Variants in TANC2 observed in about 807,000 individuals in gnomAD.
TANC2 encodes tetratricopeptide repeat, ankyrin repeat and coiled-coil containing 2, also known as protein TANC2.
Under a neutral mutation model 210.5 loss-of-function variants are expected in TANC2, and 26 were observed. The observed-to-expected ratio is 0.12, with a 90% confidence interval of 0.09 to 0.17. TANC2 has a LOEUF of 0.17. TANC2 is among the 10% of genes least tolerant of loss of function. The pLI is 1.00. For synonymous variants in TANC2, 931 were observed against 967.1 expected, an observed-to-expected ratio of 0.96 and a Z score of 0.69; for missense variants, 2,129 against 2,608.9, an observed-to-expected ratio of 0.82 and a Z score of 4.01.
At chr17:63,285,002 C>T (rs2044177898) in intron 9 of TANC2, among the ~76,000 whole-genome samples, 1 of 151,924 alleles carries the variant, frequency 6.6e-6, no homozygotes, top group Non-Finnish European at 1.5e-5. Flanking sequence ...CTTGATGATA[C>T]TCTTTGCTCT....
intron 17 of TANC2, chr17:63,390,805 G>C (rs965272470): frequency 6.6e-6 from 1 of 152,098 alleles, no homozygotes; most frequent in African/African-American, 2.4e-5. Flanking sequence ...GATCTTAGCT[G>C]GGTCTTTCCT....
At chr17:63,219,601 G>A (rs2042114605) in intron 7 of TANC2, among the ~76,000 whole-genome samples, 1 of 151,998 alleles carries the variant, frequency 6.6e-6, no homozygotes, top group Non-Finnish European at 1.5e-5. Context: ...TAGTAGAGAC[G>A]GGGTTTCCCC....
intron 4 of TANC2, among the ~76,000 whole-genome samples, chr17:63,126,489 A>G (rs565411548): frequency 2.0e-5 from 3 of 151,856 alleles, no homozygotes; most frequent in South Asian, 2.1e-4. Flanking sequence ...CTCACTTGCA[A>G]CCTCCACCTC....
chr17:63,121,086 T>TA (rs2038457771), intron 4 of TANC2, among the ~76,000 whole-genome samples: 1 of 152,142 alleles, frequency 6.6e-6, no homozygotes, highest in Non-Finnish European at 1.5e-5. Flanking sequence ...TCATTTCTGT[T>TA]AGAGTCTACA....
intron 3 of TANC2, among the ~76,000 whole-genome samples, chr17:63,083,826 T>C (rs1192563066): frequency 6.6e-6 from 1 of 152,234 alleles, no homozygotes; most frequent in Non-Finnish European, 1.5e-5. Context: ...TAGTCTGGCA[T>C]ACCTGGTATA....
At chr17:63,002,929 A>G (rs2033453241) in intron 1 of TANC2, among the ~76,000 whole-genome samples, 1 of 152,168 alleles carries the variant, frequency 6.6e-6, no homozygotes, top group Non-Finnish European at 1.5e-5. Context: ...CTGTTATGAA[A>G]ATTGTTGTAC....
intron 2 of TANC2, among the ~76,000 whole-genome samples, chr17:63,027,526 A>G (rs1030494130): frequency 3.3e-5 from 5 of 151,978 alleles, no homozygotes. Flanking sequence ...AGAGAACTTT[A>G]TTTCAAAGAA....
chr17:63,407,936 A>G (rs1012273014), intron 21 of TANC2, among the ~76,000 whole-genome samples: 1 of 152,236 alleles, frequency 6.6e-6, no homozygotes, highest in African/African-American at 2.4e-5. Context: ...ACTACGGAAA[A>G]TAAAATTGGA....
chr17:63,135,300 A>G (rs2039053147), intron 4 of TANC2, among the ~76,000 whole-genome samples: 1 of 152,196 alleles, frequency 6.6e-6, no homozygotes, highest in Admixed American at 6.5e-5. Flanking sequence ...GTACTGTTGC[A>G]TAGATTGAAT....
At chr17:63,381,271 A>G (rs1269688575) in intron 15 of TANC2, 1 of 152,216 alleles carries the variant, frequency 6.6e-6, no homozygotes, top group Non-Finnish European at 1.5e-5. Flanking sequence ...TCTTATACTG[A>G]TGCAGACAGC....
intron 2 of TANC2, among the ~76,000 whole-genome samples, chr17:63,035,167 T>C (rs1020625545): frequency 2.6e-4 from 40 of 152,274 alleles, no homozygotes; most frequent in Admixed American, 2.4e-3. Context: ...TCAGCATCCA[T>C]CAACATAGAG....
intron 6 of TANC2, among the ~76,000 whole-genome samples, chr17:63,198,698 T>A (rs2041427887): frequency 6.6e-6 from 1 of 152,054 alleles, no homozygotes; most frequent in Non-Finnish European, 1.5e-5. Context: ...AGAGCTTGCA[T>A]GTTTGTTTTT....
At chr17:63,318,436 A>G (rs2045384123) in intron 10 of TANC2, among the ~76,000 whole-genome samples, 1 of 152,210 alleles carries the variant, frequency 6.6e-6, no homozygotes, top group Non-Finnish European at 1.5e-5. Context: ...ATGTAACTTT[A>G]GGCCATTTTC....
rs370374903 is a variant in TANC2, at chr17:63,308,361, G to A, written c.1160-6027G>A. Among the ~76,000 whole-genome samples, 33 of 152,022 alleles carry A rather than the reference G, an allele frequency of 2.2e-4. 1 individual carries two copies. The South Asian group carries it at 6.9e-3, about 32-fold the overall frequency. On this transcript the variant is annotated intron_variant, in intron 9 of 27. Transcript: ENST00000689528. ...TTTCATTGGTGTCTCCCTTGTTCAG[G>A]CCTTCATCACATTTTCTGGGACTAT...
At chr17:63,023,503 T>C (rs2034432833) in intron 2 of TANC2, among the ~76,000 whole-genome samples, 1 of 152,174 alleles carries the variant, frequency 6.6e-6, no homozygotes, top group South Asian at 2.1e-4. Context: ...ATTGTGCCTG[T>C]CCCTGGCCGA....
chr17:63,278,665 ATT>A (rs1230841451), intron 9 of TANC2, among the ~76,000 whole-genome samples: 1 of 152,166 alleles, frequency 6.6e-6, no homozygotes. Flanking sequence ...TCTCAGAGAT[ATT>A]TTCACTCCTA....
chr17:63,200,479 A>C (rs2041496767), intron 6 of TANC2, among the ~76,000 whole-genome samples: 1 of 152,124 alleles, frequency 6.6e-6, no homozygotes, highest in Non-Finnish European at 1.5e-5. Flanking sequence ...ACTTGTGCTT[A>C]ATAAAAAATT....
chr17:63,109,441 C>T (rs2037950119), intron 4 of TANC2, among the ~76,000 whole-genome samples: 2 of 151,326 alleles, frequency 1.3e-5, no homozygotes, highest in African/African-American at 4.9e-5. Flanking sequence ...CACAAAAAAA[C>T]CTTGAATGAG....
chr17:63,141,380 A>G (rs986038427), intron 4 of TANC2, among the ~76,000 whole-genome samples: 4 of 6,304 alleles, frequency 6.3e-4, no homozygotes, highest in African/African-American at 1.9e-3. Flanking sequence ...CGTTTCTACT[A>G]AAAAAAAAAA....
Sources: gnomAD v4.1 joint callset for allele counts (sites outside exome capture counted in the v4.1 genomes callset) on GRCh38, gnomAD v4.1.1 for gene constraint, MANE v1.5 for transcripts, NCBI Gene and HGNC (gene_info 2026-07-23, HGNC 2026-07-21) for gene names.